The following FAT3 variants were observed in gnomAD, a reference collection of about 807,000 sequenced individuals.
The protein encoded by FAT3 is protocadherin Fat 3.
In FAT3, 95 loss-of-function variants were observed where a neutral mutation model predicts 310.2. That is an observed-to-expected ratio of 0.31 (90% CI 0.26 to 0.36). The LOEUF is 0.36. FAT3 is among the 10% of genes least tolerant of loss of function. The pLI is 1.00. For missense variants in FAT3, 5,408 were observed against 5,715.6 expected, an observed-to-expected ratio of 0.95 and a Z score of 1.74; for synonymous variants, 2,314 against 2,192.9, an observed-to-expected ratio of 1.06 and a Z score of -1.54.
intron 3 of FAT3, among the ~76,000 whole-genome samples, chr11:92,645,732 G>A (rs114546331): frequency 7.2e-4 from 109 of 152,212 alleles, no homozygotes; most frequent in African/African-American, 2.5e-3. Context: ...TATAGTTAGC[G>A]CTGTCCCTGG....
intron 4 of FAT3, among the ~76,000 whole-genome samples, chr11:92,718,257 A>C (rs56317499): frequency 0.094 from 14,346 of 152,200 alleles, 991 homozygotes; most frequent in Non-Finnish European, 0.14. Context: ...AGTATATGTA[A>C]AGGTTTATTA....
At chr11:92,613,012 A>G (rs968888052) in intron 3 of FAT3, among the ~76,000 whole-genome samples, 1 of 152,236 alleles carries the variant, frequency 6.6e-6, no homozygotes, top group African/African-American at 2.4e-5. Context: ...ACGGGATCGT[A>G]GAGTAACCCT....
At chr11:92,805,724 T>C (rs1214130893) in intron 11 of FAT3, among the ~76,000 whole-genome samples, 1 of 152,178 alleles carries the variant, frequency 6.6e-6, no homozygotes, top group African/African-American at 2.4e-5. Flanking sequence ...TTTACACATT[T>C]GGTTAGTGGC....
chr11:92,257,419 A>T (rs955454053), intron 1 of FAT3, among the ~76,000 whole-genome samples: 6 of 152,102 alleles, frequency 3.9e-5, no homozygotes, highest in African/African-American at 1.4e-4. Flanking sequence ...AGACTGGAAA[A>T]TTGCTGGAGA....
intron 2 of FAT3, among the ~76,000 whole-genome samples, chr11:92,412,044 G>A (rs1035092046): frequency 7.2e-5 from 11 of 152,074 alleles, no homozygotes; most frequent in Admixed American, 7.2e-4. Flanking sequence ...ACCTGGTGCT[G>A]TGTTGATATC....
At chr11:92,272,043 C>T (rs1357793467) in intron 1 of FAT3, among the ~76,000 whole-genome samples, 5 of 152,094 alleles carry the variant, frequency 3.3e-5, no homozygotes, top group East Asian at 1.9e-4. Flanking sequence ...GTCAAGCAGT[C>T]GTTGTCCTCC....
chr11:92,225,637 G>T (rs1316514580), intron 1 of FAT3, among the ~76,000 whole-genome samples: 1 of 152,142 alleles, frequency 6.6e-6, no homozygotes, highest in Non-Finnish European at 1.5e-5. Context: ...GGACCCCGAG[G>T]TGCAAGTTGG....
chr11:92,306,037 T>G (rs1309133086), intron 1 of FAT3, among the ~76,000 whole-genome samples: 1 of 152,118 alleles, frequency 6.6e-6, no homozygotes, highest in Non-Finnish European at 1.5e-5. Context: ...TTGAACAAAT[T>G]TTTCAACTTT....
chr11:92,635,671 A>G (rs1941741407), intron 3 of FAT3, among the ~76,000 whole-genome samples: 1 of 152,204 alleles, frequency 6.6e-6, no homozygotes, highest in Non-Finnish European at 1.5e-5. Flanking sequence ...TGACATTATT[A>G]TCTTTCTGGA....
intron 3 of FAT3, among the ~76,000 whole-genome samples, chr11:92,661,430 G>A (rs1942776967): frequency 6.6e-6 from 1 of 152,150 alleles, no homozygotes; most frequent in Non-Finnish European, 1.5e-5. Context: ...CATATGTGGT[G>A]AACCCTTGAA....
chr11:92,347,255 A>G (rs1169184488), intron 1 of FAT3, among the ~76,000 whole-genome samples: 1 of 152,112 alleles, frequency 6.6e-6, no homozygotes, highest in Non-Finnish European at 1.5e-5. Flanking sequence ...GCAGAGACTG[A>G]TCTTCCATTT....
At chr11:92,321,353 C>T (rs1242100171) in intron 1 of FAT3, among the ~76,000 whole-genome samples, 1 of 151,506 alleles carries the variant, frequency 6.6e-6, no homozygotes, top group African/African-American at 2.4e-5. Context: ...AGGAGAATGG[C>T]GTGAACCCGA....
chr11:92,802,032 T>C, intron 10 of FAT3, 123 bp downstream of exon 10: 1 of 937,554 alleles, frequency 1.1e-6, no homozygotes, highest in Non-Finnish European at 1.6e-6. Flanking sequence ...GAAGCCTCTC[T>C]GGAGCTGAGT....
chr11:92,350,654 G>C (rs1948540567), intron 1 of FAT3, among the ~76,000 whole-genome samples: 1 of 152,028 alleles, frequency 6.6e-6, no homozygotes, highest in African/African-American at 2.4e-5. Flanking sequence ...AACATTGTTT[G>C]GGCAAATGTC....
chr11:92,603,840 G>T (rs577870939), intron 3 of FAT3, among the ~76,000 whole-genome samples: 33 of 152,302 alleles, frequency 2.2e-4, no homozygotes, highest in African/African-American at 7.2e-4. Flanking sequence ...CTTCTTCTCT[G>T]ACTTTTAGCC....
intron 3 of FAT3, among the ~76,000 whole-genome samples, chr11:92,664,381 G>A (rs1942889442): frequency 6.6e-6 from 1 of 152,184 alleles, no homozygotes; most frequent in South Asian, 2.1e-4. Flanking sequence ...TATGTCATCT[G>A]ATACTCAGGA....
In FAT3 at chr11:92,844,598, C is replaced by G; in HGVS notation, c.11231C>G (p.Ser3744Ter). ...RISAILEKNC[S>*]GLDCQEQHCE... is the part of the protein sequence containing the mutation. ...TCAGCCATCTTGGAGAAGAACTGCT[C>G]AGGGCTGGACTGTCAGGAACAGCAT... The change falls in exon 19 of 28, where the codon TCA (serine) becomes TGA (stop). Residue 3744 changes from serine to a stop codon, truncating the protein, a stop_gained. Transcript: ENST00000525166. LOFTEE classifies it high-confidence loss of function. 3 of 1,613,816 alleles carry G rather than the reference C, an allele frequency of 1.9e-6. No homozygotes were observed. Among genetic ancestry groups the G allele is most frequent in the Non-Finnish European group, 2.5e-6 (3 of 1,179,862 alleles).
chr11:92,507,175 G>A (rs1002288314), intron 2 of FAT3, among the ~76,000 whole-genome samples: 3 of 152,134 alleles, frequency 2.0e-5, no homozygotes, highest in Non-Finnish European at 2.9e-5. Flanking sequence ...ACCAAAAGAA[G>A]ATGAATACAA....
At chr11:92,286,377 G>C (rs1054460619) in intron 1 of FAT3, among the ~76,000 whole-genome samples, 1 of 152,170 alleles carries the variant, frequency 6.6e-6, no homozygotes, top group Non-Finnish European at 1.5e-5. Context: ...AATGGGATGT[G>C]AATGCCGAAG....
Sources: gnomAD v4.1 joint callset for allele counts (sites outside exome capture counted in the v4.1 genomes callset) on GRCh38, gnomAD v4.1.1 for gene constraint, MANE v1.5 for transcripts, NCBI Gene and HGNC (gene_info 2026-07-23, HGNC 2026-07-21) for gene names.